Variants in BMP2K observed in about 807,000 individuals in gnomAD.
BMP2K encodes BMP2 inducible kinase.
Under a neutral mutation model 116.0 loss-of-function variants are expected in BMP2K, and 74 were observed. The ratio of observed to expected loss-of-function variants is 0.64; its 90% CI spans 0.53 to 0.77. BMP2K has a LOEUF of 0.77. Ranked by LOEUF, BMP2K falls within the 30% of genes least tolerant of loss-of-function variation. The pLI, the probability that BMP2K is intolerant of heterozygous loss-of-function variation, is 0.00. For synonymous variants in BMP2K, 486 were observed against 502.5 expected, an observed-to-expected ratio of 0.97 and a Z score of 0.44; for missense variants, 1,365 against 1,403.6, an observed-to-expected ratio of 0.97 and a Z score of 0.44.
chr4:78,799,260 G>GT (rs35343467), intron 1 of BMP2K, among the ~76,000 whole-genome samples: 6,921 of 147,460 alleles, frequency 0.047, 189 homozygotes, highest in Middle Eastern at 0.071. Flanking sequence ...TTGATTGTCC[G>GT]TTTTTTTTTT....
intron 13 of BMP2K, among the ~76,000 whole-genome samples, chr4:78,878,341 GATA>G (rs1225270755): frequency 6.6e-6 from 1 of 152,094 alleles, no homozygotes; most frequent in African/African-American, 2.4e-5. Flanking sequence ...TGTTTACTAT[GATA>G]ATAACAGTTA....
chr4:78,889,591 T>C, intron 15 of BMP2K, among the ~76,000 whole-genome samples: 1 of 152,210 alleles, frequency 6.6e-6, no homozygotes, highest in Admixed American at 6.5e-5. Context: ...GAAACAAGAA[T>C]TAACCTCCCT....
rs1261041462 is a variant in BMP2K at position 78,776,404 on chromosome 4, G to A, written c.-140G>A. On this transcript the variant is annotated 5_prime_UTR_variant, in exon 1 of 16. Coordinates refer to ENST00000502613, the MANE Select transcript of BMP2K (RefSeq NM_198892.2). ...GGGGCCCAGGCTGTGCGCTTGGGGA[G>A]CGCGGAATGTGAGGCTTGGCGGGCC... is the stretch of plus-strand genomic sequence containing the variant. The A allele has an allele frequency of 2.3e-6, 2 of 858,354 alleles. No homozygotes were observed. The highest frequency in any genetic ancestry group is 5.5e-5 in the South Asian group (1 of 18,108). 53.2% of individuals were successfully genotyped at this position (858,354 alleles called of 1,614,324 possible). A position where few individuals can be genotyped will look rare whatever the true frequency, so the allele number is the denominator to read the frequency against.
At chr4:78,803,226 A>T (rs1560506430) in intron 1 of BMP2K, among the ~76,000 whole-genome samples, 1 of 152,124 alleles carries the variant, frequency 6.6e-6, no homozygotes, top group Non-Finnish European at 1.5e-5. Flanking sequence ...TTTATATTTT[A>T]TATAAAAATA....
chr4:78,880,983 T>G (rs1327108334), intron 14 of BMP2K, among the ~76,000 whole-genome samples: 1 of 152,234 alleles, frequency 6.6e-6, no homozygotes, highest in Non-Finnish European at 1.5e-5. Context: ...GAAATTATTG[T>G]CACAAGTCTG....
chr4:78,876,031 A>G (rs936512647), intron 13 of BMP2K, among the ~76,000 whole-genome samples: 1 of 152,174 alleles, frequency 6.6e-6, no homozygotes, highest in African/African-American at 2.4e-5. Context: ...TCACCCTTCG[A>G]AGGGAGGAAT....
intron 9 of BMP2K, 26 bp from the exon 10 acceptor site, chr4:78,865,531 G>C (rs1345199699): frequency 6.2e-7 from 1 of 1,603,044 alleles, no homozygotes; most frequent in African/African-American, 1.3e-5. Context: ...CCAGTATTTA[G>C]AATGAAATAT....
chr4:78,863,427 G>T (rs1731891511), intron 9 of BMP2K, among the ~76,000 whole-genome samples: 1 of 152,190 alleles, frequency 6.6e-6, no homozygotes, highest in Non-Finnish European at 1.5e-5. Flanking sequence ...CTTCTTAAAA[G>T]GTCGCTCTCA....
At chr4:78,823,464 G>GCT (rs1036242944) in intron 1 of BMP2K, among the ~76,000 whole-genome samples, 1 of 147,872 alleles carries the variant, frequency 6.8e-6, no homozygotes, top group Non-Finnish European at 1.5e-5. Flanking sequence ...GATTTTTAGT[G>GCT]CTCTCTCTCT....
intron 4 of BMP2K, among the ~76,000 whole-genome samples, chr4:78,844,278 G>T (rs1293451265): frequency 6.6e-6 from 1 of 151,586 alleles, no homozygotes; most frequent in Non-Finnish European, 1.5e-5. Flanking sequence ...TTGTCCAAGG[G>T]TCCATATGCT....
At chr4:78,838,083 C>G (rs891447642) in intron 3 of BMP2K, among the ~76,000 whole-genome samples, 7 of 152,196 alleles carry the variant, frequency 4.6e-5, no homozygotes, top group Non-Finnish European at 7.3e-5. Context: ...GGGGAAGCCT[C>G]ACAATCATGG....
At chr4:78,875,987 TC>T (rs1732613022) in intron 13 of BMP2K, among the ~76,000 whole-genome samples, 1 of 152,200 alleles carries the variant, frequency 6.6e-6, no homozygotes, top group South Asian at 2.1e-4. Flanking sequence ...AGTCACTAGA[TC>T]TAGCTCATGT....
intron 1 of BMP2K, among the ~76,000 whole-genome samples, chr4:78,804,024 AG>A (rs912941523): frequency 6.6e-6 from 1 of 152,212 alleles, no homozygotes; most frequent in African/African-American, 2.4e-5. Flanking sequence ...TAGTGATTTT[AG>A]TGTATTTACT....
chr4:78,887,155 T>C lies in BMP2K; in HGVS notation c.1952-19T>C. On this transcript the variant is annotated intron_variant, in intron 14 of 15. Coordinates refer to ENST00000502613, the MANE Select transcript of BMP2K (RefSeq NM_198892.2). ...TTATTTCATTTCATTTTTTATTTCGTTTCATCTTATTTTTGCAGATAGGCT... is the reference window on the plus strand; with the variant it reads ...TTATTTCATTTCATTTTTTATTTCGCTTCATCTTATTTTTGCAGATAGGCT... 6.8e-7 allele frequency: 1 copy of C among 1,465,842 alleles called. No individual in the cohort carries two copies. The highest frequency in any genetic ancestry group is 9.4e-7 in the Non-Finnish European group (1 of 1,063,976). The allele number at this position is 1,465,842 out of a possible 1,614,324, so 90.8% of individuals were successfully genotyped here.
In BMP2K at chr4:78,807,789, T is replaced by C. The variant is rs554016800; in HGVS notation, c.179-18248T>C. ...AATATCCCCTTTTATATCTAATTTG[T>C]TGGCATAAAATTATTTACCCTGTAA... On this transcript the variant is annotated intron_variant, in intron 1 of 15. Coordinates refer to ENST00000502613, the MANE Select transcript of BMP2K (RefSeq NM_198892.2). Among the ~76,000 whole-genome samples the C allele has an allele frequency of 1.3e-3, 200 of 152,230 alleles. 1 individual carries two copies. Among genetic ancestry groups the C allele is most frequent in the Non-Finnish European group, 2.4e-3 (165 of 67,992 alleles).
At chr4:78,821,919 A>G (rs534183813) in intron 1 of BMP2K, among the ~76,000 whole-genome samples, 2 of 152,346 alleles carry the variant, frequency 1.3e-5, no homozygotes, top group African/African-American at 2.4e-5. Context: ...TGATTTAATT[A>G]AAGCATGGAA....
intron 1 of BMP2K, among the ~76,000 whole-genome samples, chr4:78,787,031 G>T (rs1727764364): frequency 6.6e-6 from 1 of 152,154 alleles, no homozygotes; most frequent in African/African-American, 2.4e-5. Flanking sequence ...TGGGATTACA[G>T]GTGTGAGGCA....
chr4:78,915,608 G>T lies in BMP2K; in HGVS notation c.*3575G>T, dbSNP rs1473923072. On this transcript the variant is annotated 3_prime_UTR_variant, in exon 16 of 16. Transcript: ENST00000502613. ...TATTTGAGAACTTTTATACTCAGTGGTGTTTTATATATTAAGATAAAAATA... is the reference window on the plus strand; with the variant it reads ...TATTTGAGAACTTTTATACTCAGTGTTGTTTTATATATTAAGATAAAAATA... 6.6e-6 allele frequency: 1 copy of T among 151,754 alleles called. No homozygotes were observed. Among genetic ancestry groups the T allele is most frequent in the Non-Finnish European group, 1.5e-5 (1 of 67,868 alleles). The allele number at this position is 151,754 out of a possible 1,614,324, so 9.4% of individuals were successfully genotyped here. A position where few individuals can be genotyped will look rare whatever the true frequency, so the allele number is the denominator to read the frequency against.
rs145883534 is a variant in BMP2K at position 78,875,173 on chromosome 4, G to A, written c.1793+2375G>A. Among the ~76,000 whole-genome samples the A allele has an allele frequency of 2.6e-3, 393 of 152,280 alleles. 1 individual carries two copies. Among genetic ancestry groups the A allele is most frequent in the Non-Finnish European group, 4.4e-3 (302 of 68,006 alleles). On this transcript the variant is annotated intron_variant, in intron 13 of 15. Transcript: ENST00000502613. ...CCTATTTAACATCAGATTGTATGTT[G>A]AGTATAGTATCTTCTGTAACAATTT...
Sources: allele counts gnomAD v4.1 joint callset (sites outside exome capture counted in the v4.1 genomes callset), GRCh38; gene constraint gnomAD v4.1.1; transcripts MANE v1.5; gene names NCBI Gene and HGNC (gene_info 2026-07-23, HGNC 2026-07-21).